RNF220: variants seen among roughly 807,000 people sequenced by gnomAD.
RNF220 encodes E3 ubiquitin-protein ligase RNF220.
RNF220 carries 7 observed loss-of-function variants against 67.1 expected under a neutral mutation model. The observed-to-expected ratio is 0.10, with a 90% CI of 0.06 to 0.20. The LOEUF (loss-of-function observed/expected upper bound fraction) is 0.20. Among genes scored for constraint, RNF220 ranks in the 10% least tolerant of loss-of-function variants. The pLI, the probability that RNF220 is intolerant of heterozygous loss-of-function variation, is 1.00. For missense variants in RNF220, 565 were observed against 740.3 expected (o/e 0.76, Z 2.75); for synonymous variants, 270 against 283.2 (o/e 0.95, Z 0.47).
intron 2 of RNF220, among the ~76,000 whole-genome samples, chr1:44,451,039 G>A (rs902110722): frequency 3.3e-5 from 5 of 152,018 alleles, no homozygotes; most frequent in South Asian, 2.1e-4. Context: ...AAAAATTAGC[G>A]GGGCGTGGTG....
At chr1:44,594,932 C>T (rs922033059) in intron 2 of RNF220, among the ~76,000 whole-genome samples, 2 of 152,158 alleles carry the variant, frequency 1.3e-5, no homozygotes, top group Non-Finnish European at 2.9e-5. Context: ...GCCTCTGATT[C>T]GGGGCTTTAT....
At chr1:44,481,199 G>T (rs1655775494) in intron 2 of RNF220, among the ~76,000 whole-genome samples, 1 of 152,114 alleles carries the variant, frequency 6.6e-6, no homozygotes, top group Admixed American at 6.5e-5. Flanking sequence ...GAGGTGGGAG[G>T]ATTGCATGAG....
chr1:44,473,254 A>G (rs1654980236), intron 2 of RNF220, among the ~76,000 whole-genome samples: 1 of 152,162 alleles, frequency 6.6e-6, no homozygotes, highest in African/African-American at 2.4e-5. Context: ...GATTCAAATC[A>G]TAAAGTTTTA....
chr1:44,540,565 T>A (rs1661596088), intron 2 of RNF220, among the ~76,000 whole-genome samples: 1 of 152,208 alleles, frequency 6.6e-6, no homozygotes, highest in Admixed American at 6.5e-5. Flanking sequence ...CCCTCGCCTC[T>A]GCCTTCTATG....
chr1:44,602,475 G>A (rs1272123869), intron 2 of RNF220, among the ~76,000 whole-genome samples: 1 of 152,118 alleles, frequency 6.6e-6, no homozygotes, highest in Non-Finnish European at 1.5e-5. Context: ...TGCGGATGGA[G>A]AGGAGTTTAT....
At chr1:44,573,355 G>T (rs570558907) in intron 2 of RNF220, among the ~76,000 whole-genome samples, 72 of 152,294 alleles carry the variant, frequency 4.7e-4, no homozygotes, top group African/African-American at 1.7e-3. Flanking sequence ...ATGGAATGCT[G>T]CATCCAGAAA....
chr1:44,542,734 A>G (rs1431498289), intron 2 of RNF220, among the ~76,000 whole-genome samples: 1 of 152,174 alleles, frequency 6.6e-6, no homozygotes. Flanking sequence ...CTCTCATTTA[A>G]TCCACAGGGA....
rs80241717 is a variant in RNF220, at chr1:44,473,152, C to G, written c.625+60430C>G. On this transcript the variant is annotated intron_variant, in intron 2 of 14. Transcript: ENST00000361799. ...TGTTCTGGAGGCCCCTTCCTTCTCC[C>G]GTCTTGACTGCAAAGGGCTGGAAAG... Among the ~76,000 whole-genome samples, 1,006 of 152,202 alleles carry G rather than the reference C, an allele frequency of 6.6e-3. 16 individuals carry two copies. Among genetic ancestry groups the G allele is most frequent in the African/African-American group, 0.023 (950 of 41,534 alleles).
intron 2 of RNF220, among the ~76,000 whole-genome samples, chr1:44,428,391 C>T (rs1328722079): frequency 2.6e-5 from 4 of 152,172 alleles, no homozygotes. Flanking sequence ...GGGAAGGAAC[C>T]ATTGCAGGCT....
intron 2 of RNF220, among the ~76,000 whole-genome samples, chr1:44,480,404 CA>C (rs1655691675): frequency 6.6e-6 from 1 of 151,356 alleles, no homozygotes; most frequent in Non-Finnish European, 1.5e-5. Flanking sequence ...GACTCTGTCT[CA>C]AAAATTAATT....
intron 8 of RNF220, chr1:44,636,418 G>A (rs551926658): frequency 1.2e-4 from 83 of 719,976 alleles, no homozygotes; most frequent in Middle Eastern, 1.1e-3. Context: ...TCTCAGCTTC[G>A]GGTGATGCAT....
chr1:44,488,170 C>A, intron 2 of RNF220, among the ~76,000 whole-genome samples: 1 of 146,700 alleles, frequency 6.8e-6, no homozygotes, highest in Non-Finnish European at 1.5e-5. Flanking sequence ...GAGTCTCACT[C>A]TGTTGCCCAA....
intron 2 of RNF220, among the ~76,000 whole-genome samples, chr1:44,521,827 A>G (rs1659964630): frequency 6.6e-6 from 1 of 152,226 alleles, no homozygotes; most frequent in Non-Finnish European, 1.5e-5. Context: ...TGCCTAGTAC[A>G]GTACCTAGCA....
At chr1:44,427,552 T>C (rs1649918646) in intron 2 of RNF220, among the ~76,000 whole-genome samples, 1 of 152,194 alleles carries the variant, frequency 6.6e-6, no homozygotes, top group Admixed American at 6.5e-5. Flanking sequence ...ACTTACTAGT[T>C]ATGATCTAAG....
intron 3 of RNF220, among the ~76,000 whole-genome samples, chr1:44,616,987 A>G (rs1221101082): frequency 6.6e-6 from 1 of 151,922 alleles, no homozygotes; most frequent in Non-Finnish European, 1.5e-5. Context: ...ATCCTCCCAG[A>G]GCATCCCCGT....
At chr1:44,546,302 C>G (rs535997906) in intron 2 of RNF220, among the ~76,000 whole-genome samples, 1 of 152,092 alleles carries the variant, frequency 6.6e-6, no homozygotes. Context: ...GCTCAGTGGC[C>G]CCCCAGGCCC....
At chr1:44,462,648 G>A (rs1389165229) in intron 2 of RNF220, among the ~76,000 whole-genome samples, 1 of 152,168 alleles carries the variant, frequency 6.6e-6, no homozygotes, top group East Asian at 1.9e-4. Flanking sequence ...GTAGAAAAAA[G>A]ACAGGATTTT....
intron 2 of RNF220, among the ~76,000 whole-genome samples, chr1:44,504,016 A>AT (rs1174562880): frequency 1.3e-5 from 2 of 151,980 alleles, no homozygotes; most frequent in African/African-American, 4.8e-5. Flanking sequence ...TGCCCAGCTA[A>AT]TTGTTTTTAT....
chr1:44,467,663 A>G (rs979421756), intron 2 of RNF220, among the ~76,000 whole-genome samples: 4 of 152,242 alleles, frequency 2.6e-5, no homozygotes, highest in Admixed American at 6.5e-5. Context: ...TCTGTCAGCA[A>G]TAAGACTGTT....
Sources: allele counts gnomAD v4.1 joint callset (sites outside exome capture counted in the v4.1 genomes callset), GRCh38; gene constraint gnomAD v4.1.1; transcripts MANE v1.5; gene names NCBI Gene and HGNC (gene_info 2026-07-23, HGNC 2026-07-21).